Variants in LFNG observed in about 807,000 individuals in gnomAD.
The protein encoded by LFNG is beta-1,3-N-acetylglucosaminyltransferase lunatic fringe.
In LFNG, 15 loss-of-function variants were observed where a neutral mutation model predicts 32.7. That is an observed-to-expected ratio of 0.46 (90% confidence interval 0.31 to 0.71). The LOEUF (loss-of-function observed/expected upper bound fraction) is 0.71, where lower values mean the gene tolerates loss of function less well. Ranked by LOEUF, LFNG falls within the 30% of genes least tolerant of loss-of-function variation. The probability of loss-of-function intolerance (pLI) is 0.06; values close to 1 mark genes in which losing one functional copy is unlikely to be tolerated. For missense variants in LFNG, 520 were observed against 545.7 expected, an observed-to-expected ratio of 0.95 and a Z score of 0.47; for synonymous variants, 274 against 246.8, an observed-to-expected ratio of 1.11 and a Z score of -1.03.
intron 1 of LFNG, 102 bp from the exon 2 acceptor site, chr7:2,524,593 G>C (rs1289711513): frequency 1.8e-6 from 2 of 1,104,802 alleles, no homozygotes; most frequent in South Asian, 2.7e-5. Context: ...GTGTGACGCA[G>C]CTGCAGCTGC....
rs770070589 is a variant in LFNG at position 2,526,430 on chromosome 7, C to T, written c.987+21C>T. On this transcript the variant is annotated intron_variant, in intron 6 of 7. Coordinates refer to ENST00000222725, the MANE Select transcript of LFNG (RefSeq NM_001040167.2). This position sits in a 1 kb window ranked among gnomAD's most constrained non-coding sequence, Gnocchi z 6.9. The stretch of plus-strand genomic sequence containing the variant: ...AGCAGGTGCACCATCCTCCGGGCCC[C>T]GCCAGGACTCCGAGAGCACAGGAAG... The T allele has an allele frequency of 2.3e-5, 37 of 1,603,170 alleles. No homozygotes were observed. Among genetic ancestry groups the T allele is most frequent in the South Asian group, 3.3e-5 (3 of 91,056 alleles).
At position 2,520,703 on chromosome 7, in the gene LFNG, C is replaced by T. The variant is rs746719329; in HGVS notation, c.432+410C>T. The stretch of plus-strand genomic sequence containing the variant: ...CCCCTTCCTGGGGAGAAAGGCTCTT[C>T]CTTTAGAGAAGTGAGGGGTTCTGAC... On this transcript the variant is annotated intron_variant, in intron 1 of 7. Coordinates refer to ENST00000222725, the MANE Select transcript of LFNG (RefSeq NM_001040167.2). The surrounding 1 kb of genome is among the most constrained non-coding windows in gnomAD (Gnocchi z 5.0). Among the ~76,000 whole-genome samples the T allele has an allele frequency of 2.6e-5, 4 of 152,266 alleles. No individual in the cohort carries two copies. Among genetic ancestry groups the T allele is most frequent in the Non-Finnish European group, 5.9e-5 (4 of 68,044 alleles).
Position 2,526,676 on chromosome 7 carries a change from G to C in LFNG, c.988-160G>C, listed in dbSNP as rs1053604780. Among the ~76,000 whole-genome samples the C allele has an allele frequency of 1.3e-5, 2 of 152,186 alleles. No homozygotes were observed. Among genetic ancestry groups the C allele is most frequent in the Non-Finnish European group, 2.9e-5 (2 of 68,022 alleles). On this transcript the variant is annotated intron_variant, in intron 6 of 7. Coordinates refer to ENST00000222725, the MANE Select transcript of LFNG (RefSeq NM_001040167.2). This position sits in a 1 kb window ranked among gnomAD's most constrained non-coding sequence, Gnocchi z 6.9. Reference sequence around the variant, plus strand: ...TGCAGCCAGCCCCAGCTGGTCCCCAGTTTGGGACCTTATTCCTGGGGTGTG... The same window carrying C: ...TGCAGCCAGCCCCAGCTGGTCCCCACTTTGGGACCTTATTCCTGGGGTGTG...
chr7:2,525,346 C>T (rs1344107817), intron 3 of LFNG, 28 bp downstream of exon 3: 1 of 1,612,112 alleles, frequency 6.2e-7, no homozygotes, highest in East Asian at 2.2e-5. Context: ...GGACCCCCAT[C>T]TCCCTGCCCG....
chr7:2,525,475 G>T lies in LFNG; in HGVS notation c.643G>T (p.Ala215Ser). The change falls in exon 4 of 8, where the codon GCC becomes TCC. Residue 215 changes from alanine to serine, a missense_variant. Coordinates refer to ENST00000222725, the MANE Select transcript of LFNG (RefSeq NM_001040167.2). ...VNLRALLRLL[A>S]SYPHTRDVYV... ...CCTGCGGGCCCTGCTGCGGCTGCTGGCCAGCTACCCGCACACGCGGGACGT... is the reference window on the plus strand; with the variant it reads ...CCTGCGGGCCCTGCTGCGGCTGCTGTCCAGCTACCCGCACACGCGGGACGT... 1 of 1,612,526 alleles carries T rather than the reference G, an allele frequency of 6.2e-7. No individual in the cohort carries two copies. The highest frequency in any genetic ancestry group is 8.5e-7 in the Non-Finnish European group (1 of 1,179,854).
chr7:2,517,917 G>T, upstream of LFNG: 1 of 1,157,746 alleles, frequency 8.6e-7, no homozygotes, highest in Admixed American at 4.1e-5. Context: ...TAGTTGTCCA[G>T]CTGCTGCGTG....
rs745471465 is a variant in LFNG, at chr7:2,528,143, G to A, written c.*931G>A. 1.4e-5 allele frequency: 14 copies of A among 985,332 alleles called. No individual in the cohort carries two copies. Among genetic ancestry groups the A allele is most frequent in the South Asian group, 4.7e-5 (1 of 21,278 alleles). 61.0% of individuals were successfully genotyped at this position (985,332 alleles called of 1,614,324 possible). On this transcript the variant is annotated 3_prime_UTR_variant, in exon 8 of 8. Coordinates refer to ENST00000222725, the MANE Select transcript of LFNG (RefSeq NM_001040167.2). ...ATCAGAAAAAACAGAAGCCAAACTC[G>A]GGGTCATCTTTGTTTTTAAAGCTGA...
At chr7:2,513,079 C>G (rs372236698), upstream of LFNG, 1 of 1,433,584 alleles carries the variant, frequency 7.0e-7, no homozygotes, top group Non-Finnish European at 9.7e-7. Context: ...GGTTCTCCCT[C>G]GTCTGGGCCC....
At position 2,526,198 on chromosome 7, in the gene LFNG, A is replaced by G. The variant is rs1779966524; in HGVS notation, c.822-46A>G. ...GTGGGGCCTCCCCAGCTCCCAGCAG[A>G]TGGCTCCCGCCTCTGCTCACTGGTC... is the stretch of plus-strand genomic sequence containing the variant. On this transcript the variant is annotated intron_variant, in intron 5 of 7. Transcript: ENST00000222725. This position sits in a 1 kb window ranked among gnomAD's most constrained non-coding sequence, Gnocchi z 6.9. The G allele has an allele frequency of 5.0e-6, 8 of 1,607,478 alleles. 1 individual carries two copies. In the East Asian group the frequency reaches 1.8e-4, roughly 36 times the overall value.
In LFNG at chr7:2,527,719, A is replaced by AC; in HGVS notation, c.*510dup. 1 of 1,046,816 alleles carries AC rather than the reference A, an allele frequency of 9.6e-7. No individual in the cohort carries two copies. 64.8% of individuals were successfully genotyped at this position (1,046,816 alleles called of 1,614,324 possible). A position where few individuals can be genotyped will look rare whatever the true frequency, so the allele number is the denominator to read the frequency against. On this transcript the variant is annotated 3_prime_UTR_variant, in exon 8 of 8. Transcript: ENST00000222725. The surrounding 1 kb of genome is among the most constrained non-coding windows in gnomAD (Gnocchi z 4.4). ...GGGAGGCTGGGTCTGGGGGTGCGTG[A>AC]CCCAATCCCCTTCCTCCTGGCCTGG...
Position 2,523,966 on chromosome 7 carries a change from G to A in LFNG, c.433-729G>A, listed in dbSNP as rs1779866761. ...CTGTGGGGTGGCTGCAGTGCTGGTG[G>A]CTGCACCCTACGCGCGGGACCTCAT... is the stretch of plus-strand genomic sequence containing the variant. On this transcript the variant is annotated intron_variant, in intron 1 of 7. Transcript: ENST00000222725. Among the ~76,000 whole-genome samples, 4 of 152,292 alleles carry A rather than the reference G, an allele frequency of 2.6e-5. No homozygotes were observed. The South Asian group carries it at 8.3e-4, about 32-fold the overall frequency.
upstream of LFNG, among the ~76,000 whole-genome samples, chr7:2,514,946 C>T (rs572300016): frequency 1.3e-5 from 2 of 152,100 alleles, no homozygotes; most frequent in Non-Finnish European, 2.9e-5. Context: ...ATCCATGTAT[C>T]TATCCATTCA....
chr7:2,522,635 G>A (rs1779826332), intron 1 of LFNG, among the ~76,000 whole-genome samples: 1 of 151,604 alleles, frequency 6.6e-6, no homozygotes, highest in Non-Finnish European at 1.5e-5. Context: ...TCTTCGTCTG[G>A]AAAGTTAGGT....
At chr7:2,522,818 G>A (rs1562552722) in intron 1 of LFNG, among the ~76,000 whole-genome samples, 1 of 152,262 alleles carries the variant, frequency 6.6e-6, no homozygotes, top group Non-Finnish European at 1.5e-5. Flanking sequence ...GAGAGGAAGG[G>A]AGAGAATCTG....
intron 1 of LFNG, among the ~76,000 whole-genome samples, chr7:2,522,564 TGTCCCCC>T (rs762215222): frequency 4.1e-4 from 53 of 128,172 alleles, no homozygotes; most frequent in Non-Finnish European, 6.9e-4. Flanking sequence ...TTCCTGTGGG[TGTCCCCC>T]GGCCCCCGCC....
At chr7:2,522,523 C>T (rs1195441393) in intron 1 of LFNG, among the ~76,000 whole-genome samples, 3 of 152,248 alleles carry the variant, frequency 2.0e-5, no homozygotes, top group Admixed American at 2.0e-4. Flanking sequence ...TCCTGTGTTT[C>T]TTTGAATCGC....
At chr7:2,528,827 C>A, downstream of LFNG, 1 of 626,140 alleles carries the variant, frequency 1.6e-6, no homozygotes, top group Non-Finnish European at 2.9e-6. Context: ...TCCAACTTCA[C>A]TCCTGCCACG....
chr7:2,518,191 C>T (rs1779676179), upstream of LFNG, among the ~76,000 whole-genome samples: 2 of 152,212 alleles, frequency 1.3e-5, no homozygotes, highest in Admixed American at 6.5e-5. Flanking sequence ...CCGGCTCACC[C>T]TCAAGCCTCT....
At chr7:2,523,410 A>G (rs957697863) in intron 1 of LFNG, among the ~76,000 whole-genome samples, 1 of 152,182 alleles carries the variant, frequency 6.6e-6, no homozygotes, top group Non-Finnish European at 1.5e-5. Context: ...AGGATCTGAG[A>G]CTACCAAGGT....
Sources: allele counts gnomAD v4.1 joint callset (sites outside exome capture counted in the v4.1 genomes callset), GRCh38; gene constraint gnomAD v4.1.1; non-coding constraint Gnocchi (gnomAD v3.1); transcripts MANE v1.5; gene names NCBI Gene and HGNC (gene_info 2026-07-23, HGNC 2026-07-21).